Variants in PAOX observed in about 807,000 individuals in gnomAD.
The protein encoded by PAOX is polyamine oxidase, also known as peroxisomal N(1)-acetyl-spermine/spermidine oxidase.
A neutral mutation model predicts 39.0 loss-of-function variants in PAOX; 38 were observed. The ratio of observed to expected loss-of-function variants is 0.97; its 90% CI spans 0.75 to 1.28. The LOEUF is 1.28. Among genes scored for constraint, PAOX ranks in the 50% most tolerant of loss-of-function variants. PAOX has a pLI of 0.00. For synonymous variants in PAOX, 311 were observed against 314.4 expected (o/e 0.99, Z 0.11); for missense variants, 667 against 685.7 (o/e 0.97, Z 0.30).
rs980243053 is a variant in PAOX, at chr10:133,384,284, T to C, written c.1121+72T>C. The C allele has an allele frequency of 1.9e-6, 3 of 1,573,282 alleles. No individual in the cohort carries two copies. The highest frequency in any genetic ancestry group is 2.6e-6 in the Non-Finnish European group (3 of 1,156,644). ...CTTCATCTGATGGAGGACGCAGCAG[T>C]GTGTCTGTTCACTGCAGGGTATTTC... On this transcript the variant is annotated intron_variant, in intron 4 of 6. Coordinates refer to ENST00000278060, the MANE Select transcript of PAOX (RefSeq NM_152911.4). The surrounding 1 kb of genome is among the most constrained non-coding windows in gnomAD (Gnocchi z 4.3).
In PAOX at chr10:133,380,172, G is replaced by C; in HGVS notation, c.355G>C (p.Gly119Arg). 6.2e-7 allele frequency: 1 copy of C among 1,610,746 alleles called. No homozygotes were observed. Among genetic ancestry groups the C allele is most frequent in the Non-Finnish European group, 8.5e-7 (1 of 1,178,528 alleles). ...GCCCTCCGTGAGCTACGCCAGCTCC[G>C]GGGCCAGCGTGAGCCTCCAGCTGGT... Reference protein sequence around the residue: ...GLPSVSYASSGASVSLQLVAE... With the variant: ...GLPSVSYASSRASVSLQLVAE... The change falls in exon 2 of 7, where the codon GGG (glycine) becomes CGG (arginine). Residue 119 changes from glycine (G) to arginine (R), a missense_variant. Coordinates refer to ENST00000278060, the MANE Select transcript of PAOX (RefSeq NM_152911.4).
intron 6 of PAOX, chr10:133,390,863 C>T (rs1849656894): frequency 2.5e-6 from 1 of 399,828 alleles, no homozygotes; most frequent in Admixed American, 2.8e-5. Flanking sequence ...GGAGTTGAGG[C>T]CAGATCACTA....
rs1849322345 is a variant in PAOX at position 133,380,209 on chromosome 10, C to T, written c.392C>T (p.Ala131Val). 6.2e-7 allele frequency: 1 copy of T among 1,612,552 alleles called. No homozygotes were observed. The highest frequency in any genetic ancestry group is 1.1e-5 in the South Asian group (1 of 91,088). ...SVSLQLVAEM[A>V]TLFYGLIDQT... ...AGCCTCCAGCTGGTGGCGGAGATGG[C>T]GACTCTGTTCTACGGCCTGATAGAC... The change falls in exon 2 of 7, where the codon GCG (alanine) becomes GTG (valine). Residue 131 changes from alanine (A) to valine (V), a missense_variant. Ala to Val is a moderately conservative substitution (Grantham distance 64, BLOSUM62 0). Coordinates refer to ENST00000278060, the MANE Select transcript of PAOX (RefSeq NM_152911.4).
In PAOX at chr10:133,379,464, G is replaced by T. The variant is rs1379841098; in HGVS notation, c.148G>T (p.Ala50Ser). ...HLRVLEATAR[A>S]GGRIRSERCF... The stretch of plus-strand genomic sequence containing the variant: ...GCGGGTCCTGGAGGCCACGGCCCGC[G>T]CCGGGGGCCGCATCCGCTCGGAGCG... Residue 50 changes from alanine (A) to serine (S), a missense_variant, in exon 1 of 7, where the codon GCC (alanine) becomes TCC (serine). Coordinates refer to ENST00000278060, the MANE Select transcript of PAOX (RefSeq NM_152911.4). 1.6e-6 allele frequency: 2 copies of T among 1,225,514 alleles called. No individual in the cohort carries two copies. Among genetic ancestry groups the T allele is most frequent in the Non-Finnish European group, 1.0e-6 (1 of 984,054 alleles). 75.9% of individuals were successfully genotyped at this position (1,225,514 alleles called of 1,614,324 possible).
At chr10:133,379,924 G>A (rs1589889583) in intron 1 of PAOX, 75 bp from the exon 2 acceptor site, 6 of 1,486,520 alleles carry the variant, frequency 4.0e-6, no homozygotes, top group East Asian at 4.6e-5. Flanking sequence ...CAGCGTGGGC[G>A]TGGCCCAGGA....
At position 133,389,739 on chromosome 10, in the gene PAOX, G is replaced by GTCT; in HGVS notation, c.1384_1385insTCT (p.Gly462delinsValCys). The GTCT allele has an allele frequency of 6.5e-7, 1 of 1,542,876 alleles. No individual in the cohort carries two copies. The highest frequency in any genetic ancestry group is 1.4e-5 in the African/African-American group (1 of 72,148). On this transcript the variant is annotated protein_altering_variant, in exon 6 of 7. Transcript: ENST00000278060. ...TCAGCCCCTCCCTGCAGACGGCGCCGGCGCCCAGGTATGTGGCGTGCCCCA... is the reference window on the plus strand; with the variant it reads ...TCAGCCCCTCCCTGCAGACGGCGCCGTCTGCGCCCAGGTATGTGGCGTGCCCCA...
intron 6 of PAOX, among the ~76,000 whole-genome samples, chr10:133,390,162 AAGC>A (rs1309236679): frequency 6.6e-6 from 1 of 152,200 alleles, no homozygotes; most frequent in South Asian, 2.1e-4. Flanking sequence ...GGCTTCCCCT[AAGC>A]CAAGCTTCTC....
chr10:133,387,220 A>G (rs1849551744), intron 4 of PAOX, among the ~76,000 whole-genome samples: 1 of 152,212 alleles, frequency 6.6e-6, no homozygotes. Context: ...CGGAGGTTGC[A>G]GTGAGCTGTG....
At position 133,384,890 on chromosome 10, in the gene PAOX, C is replaced by T. The variant is rs1001526590; in HGVS notation, c.1121+678C>T. ...GGATGGGGTGGGATGTAGGGCATGC[C>T]TGCCAGATGGTTCATAGTTGCCATC... is the stretch of plus-strand genomic sequence containing the variant. On this transcript the variant is annotated intron_variant, in intron 4 of 6. Coordinates refer to ENST00000278060, the MANE Select transcript of PAOX (RefSeq NM_152911.4). The surrounding 1 kb of genome is among the most constrained non-coding windows in gnomAD (Gnocchi z 4.3). Among the ~76,000 whole-genome samples, 2 of 152,226 alleles carry T rather than the reference C, an allele frequency of 1.3e-5. No individual in the cohort carries two copies. Among genetic ancestry groups the T allele is most frequent in the Admixed American group, 1.3e-4 (2 of 15,286 alleles).
intron 4 of PAOX, among the ~76,000 whole-genome samples, chr10:133,385,404 C>T (rs1849503249): frequency 6.6e-6 from 1 of 152,034 alleles, no homozygotes; most frequent in African/African-American, 2.4e-5. Flanking sequence ...CCAGGCCCAG[C>T]CCCACCTCCT....
chr10:133,383,327 G>T (rs1849445051), intron 3 of PAOX, among the ~76,000 whole-genome samples: 1 of 152,138 alleles, frequency 6.6e-6, no homozygotes, highest in Non-Finnish European at 1.5e-5. Flanking sequence ...TGTTGGCCAG[G>T]CACGGTGGCT....
At chr10:133,381,720 G>T in intron 3 of PAOX, 61 bp downstream of exon 3, 2 of 1,558,378 alleles carry the variant, frequency 1.3e-6, no homozygotes, top group Non-Finnish European at 1.8e-6. Flanking sequence ...CCCTTACCCT[G>T]CCTCAGTTGG....
intron 1 of PAOX, chr10:133,379,735 C>G: frequency 1.9e-6 from 1 of 538,078 alleles, no homozygotes; most frequent in Non-Finnish European, 2.9e-6. Context: ...CCTGATTCTG[C>G]CCCACGGGGG....
Position 133,388,938 on chromosome 10 carries a change from C to T in PAOX, c.1122-18C>T. On this transcript the variant is annotated intron_variant, in intron 4 of 6. Transcript: ENST00000278060. Reference sequence around the variant, plus strand: ...CCATGCAGGTCTGGTCATCCCAGGGCTCTCTTTCTCCATGCAGGTCTGTCC... The same window carrying T: ...CCATGCAGGTCTGGTCATCCCAGGGTTCTCTTTCTCCATGCAGGTCTGTCC... 2.0e-6 allele frequency: 3 copies of T among 1,510,350 alleles called. No homozygotes were observed. Among genetic ancestry groups the T allele is most frequent in the Non-Finnish European group, 2.7e-6 (3 of 1,097,560 alleles). The allele number at this position is 1,510,350 out of a possible 1,614,324, so 93.6% of individuals were successfully genotyped here.
intron 2 of PAOX, among the ~76,000 whole-genome samples, chr10:133,380,982 GAGAAAAAA>G (rs1319843163): frequency 1.3e-5 from 2 of 152,078 alleles, no homozygotes; most frequent in Non-Finnish European, 2.9e-5. Context: ...CATCTCAAAA[GAGAAAAAA>G]AGAAGAAGAG....
intron 3 of PAOX, 40 bp downstream of exon 3, chr10:133,381,699 C>T (rs1564810698): frequency 1.2e-6 from 2 of 1,602,350 alleles, no homozygotes; most frequent in East Asian, 2.2e-5. Flanking sequence ...TCCCAAGTGC[C>T]CCCGCCTCTG....
At chr10:133,381,329 G>T in intron 2 of PAOX, 131 bp from the exon 3 acceptor site, 1 of 806,972 alleles carries the variant, frequency 1.2e-6, no homozygotes, top group Non-Finnish European at 2.0e-6. Flanking sequence ...TGACCTCCTT[G>T]CTGGCCCTGA....
In PAOX at chr10:133,384,342, G is replaced by GC. The variant is rs564665711; in HGVS notation, c.1121+137dup. 41 of 1,389,152 alleles carry GC rather than the reference G, an allele frequency of 3.0e-5. No homozygotes were observed. Among genetic ancestry groups the GC allele is most frequent in the African/African-American group, 8.7e-5 (6 of 69,192 alleles). 86.1% of individuals were successfully genotyped at this position (1,389,152 alleles called of 1,614,324 possible). A position where few individuals can be genotyped will look rare whatever the true frequency, so the allele number is the denominator to read the frequency against. ...TTTAATGGGTAGGGTTCCCATGAGC[G>GC]CCCCCCCACCAGGTGCTGGCTGCAC... On this transcript the variant is annotated intron_variant, in intron 4 of 6. Transcript: ENST00000278060. This position sits in a 1 kb window ranked among gnomAD's most constrained non-coding sequence, Gnocchi z 4.3.
At position 133,386,568 on chromosome 10, in the gene PAOX, G is replaced by A. The variant is rs187885910; in HGVS notation, c.1121+2356G>A. The stretch of plus-strand genomic sequence containing the variant: ...CGGTTCACTGCAACCTCCGCCTCCC[G>A]GGTTCAAGCAATTCTCCTGCCTCAG... On this transcript the variant is annotated intron_variant, in intron 4 of 6. Transcript: ENST00000278060. Among the ~76,000 whole-genome samples the A allele has an allele frequency of 3.0e-3, 459 of 151,942 alleles. 2 individuals carry two copies. The highest frequency in any genetic ancestry group is 5.6e-3 in the Non-Finnish European group (378 of 67,956).
Sources: allele counts gnomAD v4.1 joint callset (sites outside exome capture counted in the v4.1 genomes callset), GRCh38; gene constraint gnomAD v4.1.1; non-coding constraint Gnocchi (gnomAD v3.1); transcripts MANE v1.5; gene names NCBI Gene and HGNC (gene_info 2026-07-23, HGNC 2026-07-21).